The following SORBS2 variants were observed in gnomAD, a reference collection of about 807,000 sequenced individuals.
SORBS2 encodes sorbin and SH3 domain-containing protein 2.
Under a neutral mutation model 97.7 loss-of-function variants are expected in SORBS2, and 46 were observed. The ratio of observed to expected loss-of-function variants is 0.47; its 90% CI spans 0.37 to 0.60. The LOEUF (loss-of-function observed/expected upper bound fraction) is 0.60. Ranked by LOEUF, SORBS2 falls within the 20% of genes least tolerant of loss-of-function variation. SORBS2 has a pLI of 0.00. For missense variants in SORBS2, 1,316 were observed against 1,282.3 expected (o/e 1.03, Z -0.40); for synonymous variants, 476 against 473.4 (o/e 1.01, Z -0.07).
intron 7 of SORBS2, among the ~76,000 whole-genome samples, chr4:185,622,613 G>A (rs1176824870): frequency 6.6e-6 from 1 of 152,208 alleles, no homozygotes; most frequent in African/African-American, 2.4e-5. Flanking sequence ...TTGTCTCAAT[G>A]TGAGTAGTGG....
chr4:185,930,060 G>T (rs146107275), intron 1 of SORBS2, among the ~76,000 whole-genome samples: 1 of 152,108 alleles, frequency 6.6e-6, no homozygotes, highest in Non-Finnish European at 1.5e-5. Flanking sequence ...ACACACGAGG[G>T]CAGAACAAAT....
At chr4:185,926,749 A>G (rs1042971240) in intron 1 of SORBS2, among the ~76,000 whole-genome samples, 18 of 152,238 alleles carry the variant, frequency 1.2e-4, no homozygotes, top group African/African-American at 4.3e-4. Flanking sequence ...TAATTGACAT[A>G]TTTAAAAGCT....
At chr4:185,714,752 C>T (rs967130373) in intron 2 of SORBS2, among the ~76,000 whole-genome samples, 25 of 152,098 alleles carry the variant, frequency 1.6e-4, no homozygotes, top group African/African-American at 3.4e-4. Context: ...CGTCAGATCT[C>T]GTAGATGTAT....
chr4:185,630,027 A>G (rs999197859), intron 5 of SORBS2, among the ~76,000 whole-genome samples: 3 of 152,062 alleles, frequency 2.0e-5, no homozygotes, highest in Non-Finnish European at 2.9e-5. Flanking sequence ...TACTAAGCCT[A>G]GGTGTCACTT....
rs373554933 is a variant in SORBS2 at position 185,868,718 on chromosome 4, G to A, written c.-338+87478C>T. 4.4e-4 allele frequency among the ~76,000 whole-genome samples: 67 copies of A among 152,180 alleles called. 4 individuals carry two copies. The highest frequency in any genetic ancestry group is 1.4e-3 in the African/African-American group (59 of 41,502). On this transcript the variant is annotated intron_variant, in intron 1 of 20. Coordinates refer to the SORBS2 transcript ENST00000284776. ...GAATAGAGAAAAGCTAAAGGTGTTC[G>A]GCAAAACAGTGACAGGGACGCTGTC...
intron 12 of SORBS2, 21 bp from the exon 25 acceptor site, chr4:185,593,956 A>G: frequency 1.3e-6 from 2 of 1,547,142 alleles, no homozygotes; most frequent in Non-Finnish European, 1.8e-6. Context: ...ATGATTTTCA[A>G]TGTAATCAAT....
intron 1 of SORBS2, among the ~76,000 whole-genome samples, chr4:185,796,457 GCGC>G (rs1314752402): frequency 6.7e-6 from 1 of 148,728 alleles, no homozygotes; most frequent in African/African-American, 2.5e-5. Context: ...CCATGCCTGG[GCGC>G]TGTGGCCACG....
chr4:185,684,832 C>G lies in SORBS2; in HGVS notation c.-197-6010G>C. On this transcript the variant is annotated intron_variant, in intron 2 of 20. Transcript: ENST00000284776. The surrounding 1 kb of genome is among the most constrained non-coding windows in gnomAD (Gnocchi z 4.2). ...ACAGACATGGCGGCACGTTTGCGAG[C>G]ACACCCACCGCTATCTGGAAGCAAA... 1 of 1,551,836 alleles carries G rather than the reference C, an allele frequency of 6.4e-7. No homozygotes were observed. The highest frequency in any genetic ancestry group is 2.4e-5 in the East Asian group (1 of 40,926).
intron 2 of SORBS2, among the ~76,000 whole-genome samples, chr4:185,710,848 C>T (rs2098413377): frequency 1.3e-5 from 2 of 152,198 alleles, no homozygotes; most frequent in South Asian, 2.1e-4. Context: ...TAGGGAAACC[C>T]GGTAAACACC....
intron 11 of SORBS2, among the ~76,000 whole-genome samples, chr4:185,613,489 A>G (rs1353722347): frequency 6.8e-6 from 1 of 147,630 alleles, no homozygotes; most frequent in African/African-American, 2.6e-5. Flanking sequence ...CTCTACTAAA[A>G]ATACAAAAAT....
chr4:185,862,923 T>C (rs1271075111), intron 1 of SORBS2, among the ~76,000 whole-genome samples: 1 of 152,126 alleles, frequency 6.6e-6, no homozygotes, highest in Non-Finnish European at 1.5e-5. Context: ...CCATCCGCCT[T>C]CTCTTGTAGA....
At chr4:185,862,675 T>A (rs979637411) in intron 1 of SORBS2, among the ~76,000 whole-genome samples, 1 of 152,236 alleles carries the variant, frequency 6.6e-6, no homozygotes, top group East Asian at 1.9e-4. Flanking sequence ...ACACACAATA[T>A]GCAAGAAATA....
intron 2 of SORBS2, among the ~76,000 whole-genome samples, chr4:185,697,448 C>T (rs1366937334): frequency 6.6e-6 from 1 of 152,084 alleles, no homozygotes; most frequent in East Asian, 1.9e-4. Context: ...TTAAAAAGAT[C>T]CTTTATTTAG....
chr4:185,754,153 A>G (rs1429562312), intron 2 of SORBS2, among the ~76,000 whole-genome samples: 1 of 152,210 alleles, frequency 6.6e-6, no homozygotes, highest in Admixed American at 6.5e-5. Flanking sequence ...TTGCAGCAAC[A>G]TGGATGGAGC....
intron 1 of SORBS2, among the ~76,000 whole-genome samples, chr4:185,867,261 C>T (rs960434446): frequency 1.3e-5 from 2 of 152,206 alleles, no homozygotes; most frequent in African/African-American, 4.8e-5. Flanking sequence ...CCGCCCGCCT[C>T]AGCCTCCCAA....
At chr4:185,749,149 T>C (rs1584059928) in intron 2 of SORBS2, among the ~76,000 whole-genome samples, 1 of 152,026 alleles carries the variant, frequency 6.6e-6, no homozygotes, top group Non-Finnish European at 1.5e-5. Context: ...ACTGGAGTGG[T>C]GTTCAGGGAG....
At chr4:185,663,656 A>C (rs1166326667) in intron 4 of SORBS2, among the ~76,000 whole-genome samples, 1 of 152,112 alleles carries the variant, frequency 6.6e-6, no homozygotes, top group East Asian at 1.9e-4. Flanking sequence ...AGTTTGGTGG[A>C]TCTTTGTCAA....
chr4:185,600,765 T>C (rs78713053), intron 12 of SORBS2, among the ~76,000 whole-genome samples: 3,363 of 152,310 alleles, frequency 0.022, 66 homozygotes, highest in Non-Finnish European at 0.035. Flanking sequence ...TTAATGCCTG[T>C]CAAATTTCAT....
chr4:185,717,115 T>C (rs987118269), intron 2 of SORBS2, among the ~76,000 whole-genome samples: 1 of 152,346 alleles, frequency 6.6e-6, no homozygotes, highest in East Asian at 1.9e-4. Context: ...GGAAGTATAC[T>C]GAGAAGAGCT....
Sources: allele counts gnomAD v4.1 joint callset (sites outside exome capture counted in the v4.1 genomes callset), GRCh38; gene constraint gnomAD v4.1.1; non-coding constraint Gnocchi (gnomAD v3.1); transcripts MANE v1.5; gene names NCBI Gene and HGNC (gene_info 2026-07-23, HGNC 2026-07-21).